Variants in LRRC8D observed in about 807,000 individuals in gnomAD.
LRRC8D encodes the protein leucine rich repeat containing 8 VRAC subunit D.
LRRC8D carries 20 observed loss-of-function variants against 55.8 expected under a neutral mutation model. That is an observed-to-expected ratio of 0.36 (90% CI 0.25 to 0.52). The LOEUF is 0.52. Ranked by LOEUF, LRRC8D falls within the 20% of genes least tolerant of loss-of-function variation. LRRC8D has a pLI of 0.93. For missense variants in LRRC8D, 651 were observed against 1,030.8 expected (o/e 0.63, Z 5.05); for synonymous variants, 352 against 377.0 (o/e 0.93, Z 0.77).
intron 2 of LRRC8D, among the ~76,000 whole-genome samples, chr1:89,889,150 T>C (rs1274476679): frequency 6.6e-6 from 1 of 152,158 alleles, no homozygotes; most frequent in African/African-American, 2.4e-5. Context: ...TATGATGTGA[T>C]GAGAATGGCA....
chr1:89,843,542 C>T (rs1473328665), intron 1 of LRRC8D, 96 bp from the exon 2 acceptor site: 1 of 680,256 alleles, frequency 1.5e-6, no homozygotes, highest in Admixed American at 2.1e-5. Flanking sequence ...AGCGGTGACC[C>T]CCTGGTCTTG....
rs181576056 is a variant in LRRC8D, at chr1:89,931,488, T to C, written c.-2-1579T>C. On this transcript the variant is annotated intron_variant, in intron 2 of 2. Coordinates refer to ENST00000337338, the MANE Select transcript of LRRC8D (RefSeq NM_001134479.2). ...GATAATTCATCTTCCTGGTTGGGTG[T>C]GGTGGCTCACACCTGTAATCCCAGC... 5.2e-3 allele frequency among the ~76,000 whole-genome samples: 794 copies of C among 152,188 alleles called. 8 individuals are homozygous for C. The highest frequency in any genetic ancestry group is 0.018 in the African/African-American group (746 of 41,536).
intron 1 of LRRC8D, among the ~76,000 whole-genome samples, chr1:89,839,586 A>G (rs985372244): frequency 1.3e-5 from 2 of 152,174 alleles, no homozygotes; most frequent in African/African-American, 2.4e-5. Flanking sequence ...CTCTATGGGT[A>G]AATGCCAATC....
chr1:89,847,892 G>A (rs1661319438), intron 2 of LRRC8D, among the ~76,000 whole-genome samples: 1 of 152,152 alleles, frequency 6.6e-6, no homozygotes, highest in South Asian at 2.1e-4. Context: ...AAATAGCACT[G>A]CATGTATATA....
chr1:89,856,667 A>G (rs1409539213), intron 2 of LRRC8D, among the ~76,000 whole-genome samples: 1 of 152,250 alleles, frequency 6.6e-6, no homozygotes, highest in Non-Finnish European at 1.5e-5. Flanking sequence ...TAGGTATTTT[A>G]AACCTAAGTC....
chr1:89,919,640 G>T lies in LRRC8D; in HGVS notation c.-2-13427G>T, dbSNP rs192870334. Among the ~76,000 whole-genome samples, 417 of 152,230 alleles carry T rather than the reference G, an allele frequency of 2.7e-3. 2 individuals are homozygous for T. Among genetic ancestry groups the T allele is most frequent in the African/African-American group, 9.7e-3 (401 of 41,536 alleles). On this transcript the variant is annotated intron_variant, in intron 2 of 2. Transcript: ENST00000337338. ...TGTCTCATAAACTGGATGAAGTTAG[G>T]CGATAAAGTTGAACCAAATTCTTCA...
At chr1:89,829,871 T>C (rs1354273530) in intron 1 of LRRC8D, among the ~76,000 whole-genome samples, 2 of 152,234 alleles carry the variant, frequency 1.3e-5, no homozygotes, top group African/African-American at 4.8e-5. Flanking sequence ...CCCATATTGA[T>C]GATAGAATGC....
intron 1 of LRRC8D, among the ~76,000 whole-genome samples, chr1:89,826,405 C>T (rs113021954): frequency 0.018 from 2,716 of 151,986 alleles, 61 homozygotes; most frequent in African/African-American, 0.062. Flanking sequence ...GCTGGGACTA[C>T]AGGCACCCGC....
Position 89,933,545 on chromosome 1 carries a change from G to T in LRRC8D, c.477G>T (p.Pro159=), listed in dbSNP as rs369648871. Residue 159 remains proline (P), a synonymous_variant, in exon 3 of 3, where the codon CCG becomes CCT. Coordinates refer to ENST00000337338, the MANE Select transcript of LRRC8D (RefSeq NM_001134479.2). This position sits in a 1 kb window ranked among gnomAD's most constrained non-coding sequence, Gnocchi z 7.0. The part of the protein sequence containing the change: ...INQMCYHLAL[P]WYSKYFPYLA... ...AAATGTGTTACCATCTGGCCCTTCC[G>T]TGGTATTCTAAGTACTTTCCATACC... The T allele has an allele frequency of 3.7e-6, 6 of 1,614,102 alleles. No homozygotes were observed. Among genetic ancestry groups the T allele is most frequent in the Non-Finnish European group, 4.2e-6 (5 of 1,180,014 alleles).
intron 2 of LRRC8D, among the ~76,000 whole-genome samples, chr1:89,902,033 G>A (rs1447255755): frequency 6.6e-6 from 1 of 152,262 alleles, no homozygotes; most frequent in Non-Finnish European, 1.5e-5. Context: ...TTCTAGGTGA[G>A]CATCTCCATG....
In LRRC8D at chr1:89,906,155, C is replaced by CT. The variant is rs548975401; in HGVS notation, c.-2-26909dup. Among the ~76,000 whole-genome samples, 414 of 152,262 alleles carry CT rather than the reference C, an allele frequency of 2.7e-3. 2 individuals carry two copies. The highest frequency in any genetic ancestry group is 9.1e-3 in the African/African-American group (378 of 41,558). On this transcript the variant is annotated intron_variant, in intron 2 of 2. Transcript: ENST00000337338. ...TGTTTACTTCTCACATCTGAATCTT[C>CT]TTTCAAGCATCACTTTTAGGCTTAA...
At chr1:89,847,913 A>G (rs1258856279) in intron 2 of LRRC8D, among the ~76,000 whole-genome samples, 1 of 152,190 alleles carries the variant, frequency 6.6e-6, no homozygotes, top group Non-Finnish European at 1.5e-5. Context: ...TGAGGTAGGG[A>G]TTCAGCCTAC....
chr1:89,922,772 A>T (rs571543888), intron 2 of LRRC8D, among the ~76,000 whole-genome samples: 20 of 152,394 alleles, frequency 1.3e-4, no homozygotes, highest in African/African-American at 4.6e-4. Flanking sequence ...GGCTACAATC[A>T]TATCTACCTT....
At chr1:89,887,172 C>T (rs766427690) in intron 2 of LRRC8D, among the ~76,000 whole-genome samples, 4 of 152,046 alleles carry the variant, frequency 2.6e-5, no homozygotes, top group Non-Finnish European at 4.4e-5. Flanking sequence ...CACAAAGAGC[C>T]GATTTATCTG....
At chr1:89,914,565 A>C (rs1663211667) in intron 2 of LRRC8D, among the ~76,000 whole-genome samples, 1 of 152,238 alleles carries the variant, frequency 6.6e-6, no homozygotes, top group Non-Finnish European at 1.5e-5. Flanking sequence ...TTTATATGTC[A>C]GCCATACATA....
intron 1 of LRRC8D, among the ~76,000 whole-genome samples, chr1:89,829,717 A>C (rs1377278165): frequency 6.6e-6 from 1 of 152,246 alleles, no homozygotes; most frequent in African/African-American, 2.4e-5. Flanking sequence ...TTCCAGGCCA[A>C]TGCTCTTGTC....
chr1:89,878,967 CAA>C (rs5776028), intron 2 of LRRC8D, among the ~76,000 whole-genome samples: 13 of 90,822 alleles, frequency 1.4e-4, no homozygotes, highest in East Asian at 8.1e-4. Context: ...AAATCCGTCT[CAA>C]AAAAAAAAAA....
intron 2 of LRRC8D, among the ~76,000 whole-genome samples, chr1:89,887,656 C>CT (rs932700486): frequency 1.3e-3 from 194 of 151,438 alleles, no homozygotes; most frequent in African/African-American, 4.5e-3. Flanking sequence ...GTAATCTAAC[C>CT]TTTTTTTTTG....
chr1:89,870,346 C>A (rs1042918106), intron 2 of LRRC8D, among the ~76,000 whole-genome samples: 1 of 151,432 alleles, frequency 6.6e-6, no homozygotes, highest in Middle Eastern at 3.2e-3. Context: ...CGTGGTGGCA[C>A]GTGCCTGTAG....
Sources: gnomAD v4.1 joint callset for allele counts (sites outside exome capture counted in the v4.1 genomes callset) on GRCh38, gnomAD v4.1.1 for gene constraint, Gnocchi (gnomAD v3.1) non-coding constraint, MANE v1.5 for transcripts, NCBI Gene and HGNC (gene_info 2026-07-23, HGNC 2026-07-21) for gene names.